DIO1: variants seen among roughly 807,000 people sequenced by gnomAD.
The protein encoded by DIO1 is type I iodothyronine deiodinase.
Under a neutral mutation model 25.9 loss-of-function variants are expected in DIO1, and 17 were observed. That is an observed-to-expected ratio of 0.66 (90% CI 0.45 to 0.98). DIO1 has a LOEUF of 0.98. DIO1 is among the 50% of genes least tolerant of loss of function. The probability of loss-of-function intolerance (pLI) is 0.00; values close to 1 mark genes in which losing one functional copy is unlikely to be tolerated. For missense variants in DIO1, 270 were observed against 310.4 expected (o/e 0.87, Z 0.98); for synonymous variants, 115 against 114.0 (o/e 1.01, Z -0.05).
At chr1:53,905,978 G>C in intron 2 of DIO1, 117 bp from the exon 3 acceptor site, 1 of 933,838 alleles carries the variant, frequency 1.1e-6, no homozygotes, top group Non-Finnish European at 1.6e-6. Context: ...TGGGAAACCA[G>C]GCCAAATCAT....
At chr1:53,903,076 C>T (rs548427033) in intron 1 of DIO1, 1 of 152,066 alleles carries the variant, frequency 6.6e-6, no homozygotes, top group South Asian at 2.1e-4. Context: ...CCTGCTTCCA[C>T]CCAGTGACTG....
In DIO1 at chr1:53,910,118, G is replaced by A. The variant is rs529434089; in HGVS notation, c.*119G>A. 7.6e-4 allele frequency: 632 copies of A among 830,256 alleles called. 3 individuals are homozygous for A. Among genetic ancestry groups the A allele is most frequent in the South Asian group, 1.6e-3 (111 of 70,488 alleles). 51.4% of individuals were successfully genotyped at this position (830,256 alleles called of 1,614,324 possible). A position where few individuals can be genotyped will look rare whatever the true frequency, so the allele number is the denominator to read the frequency against. ...TGTCCCTAGCTGAATCACTAGCTCA[G>A]ATTTTTCTGATCTAAGCAAACAACT... is the stretch of plus-strand genomic sequence containing the variant. On this transcript the variant is annotated 3_prime_UTR_variant, in exon 4 of 4. Transcript: ENST00000361921.
At chr1:53,896,050 A>G (rs1651055158) in intron 1 of DIO1, among the ~76,000 whole-genome samples, 1 of 151,958 alleles carries the variant, frequency 6.6e-6, no homozygotes, top group Non-Finnish European at 1.5e-5. Flanking sequence ...CCTAAGCACA[A>G]GTCTTATTTC....
In DIO1 at chr1:53,910,038, G is replaced by GCTAA. The variant is rs1259072546; in HGVS notation, c.*39_*40insCTAA. On this transcript the variant is annotated 3_prime_UTR_variant, in exon 4 of 4. Transcript: ENST00000361921. ...CTCAATTCTAGGTGACCAACGGGAG[G>GCTAA]GCTTCTCAAGGCTTAGCTCTCCCTG... The GCTAA allele has an allele frequency of 2.6e-6, 4 of 1,560,992 alleles. No individual in the cohort carries two copies. The Admixed American group carries it at 6.7e-5, about 26-fold the overall frequency.
chr1:53,903,420 C>G lies in DIO1; in HGVS notation c.338-1246C>G, dbSNP rs1010788351. Among the ~76,000 whole-genome samples the G allele has an allele frequency of 1.3e-4, 19 of 151,910 alleles. 2 individuals are homozygous for G. Among genetic ancestry groups the G allele is most frequent in the African/African-American group, 4.4e-4 (18 of 41,188 alleles). On this transcript the variant is annotated intron_variant, in intron 1 of 3. Coordinates refer to ENST00000361921, the MANE Select transcript of DIO1 (RefSeq NM_000792.7). The stretch of plus-strand genomic sequence containing the variant: ...GGAGGGAAAGGGAAATGCACACACA[C>G]TCGGTCTCTGGGGTGCTGGGTAGCT...
Position 53,910,043 on chromosome 1 carries a change from C to A in DIO1, c.*44C>A. On this transcript the variant is annotated 3_prime_UTR_variant, in exon 4 of 4. Transcript: ENST00000361921. ...TTCTAGGTGACCAACGGGAGGGCTT[C>A]TCAAGGCTTAGCTCTCCCTGAGACC... 1 of 1,559,562 alleles carries A rather than the reference C, an allele frequency of 6.4e-7. No homozygotes were observed. The highest frequency in any genetic ancestry group is 1.4e-5 in the African/African-American group (1 of 73,904).
intron 1 of DIO1, among the ~76,000 whole-genome samples, chr1:53,900,376 G>A (rs369186899): frequency 1.1e-3 from 169 of 152,286 alleles, no homozygotes; most frequent in African/African-American, 3.9e-3. Flanking sequence ...GGCCAAGGCC[G>A]GTGAATCGCT....
chr1:53,894,510 C>G lies in DIO1; in HGVS notation c.300C>G (p.Leu100=). The change falls in exon 1 of 4, where the codon CTC becomes CTG. Residue 100 remains leucine, a synonymous_variant. Transcript: ENST00000361921. This position sits in a 1 kb window ranked among gnomAD's most constrained non-coding sequence, Gnocchi z 4.9. ...CCCCAAACTGCCCGGTGGTCCGCCT[C>G]TCAGGACAGAGGTGCAACATTTGGG... The part of the protein sequence containing the change: ...GLAPNCPVVR[L]SGQRCNIWEF... The G allele has an allele frequency of 1.9e-6, 3 of 1,614,048 alleles. No individual in the cohort carries two copies. Among genetic ancestry groups the G allele is most frequent in the Non-Finnish European group, 2.5e-6 (3 of 1,180,006 alleles).
chr1:53,904,460 A>G (rs566131177), intron 1 of DIO1, among the ~76,000 whole-genome samples: 4 of 151,996 alleles, frequency 2.6e-5, no homozygotes, highest in African/African-American at 9.7e-5. Context: ...ACCTAAAAAA[A>G]CCTCTCATTT....
intron 3 of DIO1, among the ~76,000 whole-genome samples, chr1:53,906,611 C>T (rs1651668869): frequency 6.6e-6 from 1 of 152,110 alleles, no homozygotes; most frequent in Non-Finnish European, 1.5e-5. Flanking sequence ...GTTTCAAACT[C>T]AGAGACAGAG....
intron 1 of DIO1, among the ~76,000 whole-genome samples, chr1:53,902,184 T>C (rs1651402430): frequency 6.6e-6 from 1 of 151,788 alleles, no homozygotes; most frequent in Non-Finnish European, 1.5e-5. Context: ...CCTTTTCCCA[T>C]GGCTGGTTCT....
intron 3 of DIO1, among the ~76,000 whole-genome samples, chr1:53,908,830 G>A (rs1351905095): frequency 6.6e-6 from 1 of 152,152 alleles, no homozygotes; most frequent in African/African-American, 2.4e-5. Flanking sequence ...ACTGGCTCAC[G>A]GCTGTAACTC....
At chr1:53,904,181 G>A (rs1651521887) in intron 1 of DIO1, among the ~76,000 whole-genome samples, 1 of 152,202 alleles carries the variant, frequency 6.6e-6, no homozygotes, top group Non-Finnish European at 1.5e-5. Context: ...GGAAACTGAA[G>A]TGCTATGAAT....
intron 1 of DIO1, among the ~76,000 whole-genome samples, chr1:53,895,777 C>T (rs1451331262): frequency 3.3e-5 from 5 of 152,214 alleles, no homozygotes; most frequent in East Asian, 1.9e-4. Context: ...TCATTTCTTT[C>T]GGACAAACTG....
intron 2 of DIO1, among the ~76,000 whole-genome samples, chr1:53,905,264 T>C (rs1024938136): frequency 1.4e-5 from 2 of 147,336 alleles, no homozygotes; most frequent in African/African-American, 5.1e-5. Flanking sequence ...AGCCTCAACC[T>C]CCTGGGCTAA....
intron 3 of DIO1, among the ~76,000 whole-genome samples, chr1:53,908,386 A>C (rs1651772257): frequency 6.6e-6 from 1 of 152,148 alleles, no homozygotes; most frequent in Non-Finnish European, 1.5e-5. Flanking sequence ...GATAGTAAAT[A>C]TTTTCAACTT....
Position 53,906,225 on chromosome 1 carries a change from G to C in DIO1, c.612G>C (p.Gln204His). The C allele has an allele frequency of 6.2e-7, 1 of 1,614,194 alleles. No homozygotes were observed. Residue 204 changes from glutamine to histidine, a missense_variant, in exon 3 of 4, where the codon CAG (glutamine) becomes CAC (histidine). By Grantham distance (24) the Gln-to-His change is conservative. Transcript: ENST00000361921. ...CPVVVDTMQN[Q>H]SSQLYAALPE... ...TGGTGGTGGACACCATGCAGAACCAGAGCAGCCAGCTCTACGCAGCACTGC... is the reference window on the plus strand; with the variant it reads ...TGGTGGTGGACACCATGCAGAACCACAGCAGCCAGCTCTACGCAGCACTGC...
At chr1:53,903,263 C>G (rs1305705065) in intron 1 of DIO1, 2 of 151,910 alleles carry the variant, frequency 1.3e-5, no homozygotes, top group Non-Finnish European at 2.9e-5. Context: ...TTTCCCCCAT[C>G]AAGGTACCTA....
At chr1:53,898,621 T>A (rs957952316) in intron 1 of DIO1, among the ~76,000 whole-genome samples, 1 of 151,904 alleles carries the variant, frequency 6.6e-6, no homozygotes, top group Non-Finnish European at 1.5e-5. Context: ...GGCATGCGCC[T>A]GTAATCCCAG....
Sources: gnomAD v4.1 joint callset for allele counts (sites outside exome capture counted in the v4.1 genomes callset) on GRCh38, gnomAD v4.1.1 for gene constraint, Gnocchi (gnomAD v3.1) non-coding constraint, MANE v1.5 for transcripts, NCBI Gene and HGNC (gene_info 2026-07-23, HGNC 2026-07-21) for gene names.